The following SLC25A21 variants were observed in gnomAD, a reference collection of about 807,000 sequenced individuals.
SLC25A21 encodes mitochondrial 2-oxodicarboxylate carrier.
SLC25A21 carries 47 observed loss-of-function variants against 43.8 expected under a neutral mutation model. The observed-to-expected ratio is 1.07, with a 90% CI of 0.85 to 1.37. The LOEUF (loss-of-function observed/expected upper bound fraction) is 1.37, where lower values mean the gene tolerates loss of function less well. Among genes scored for constraint, SLC25A21 ranks in the 40% most tolerant of loss-of-function variants. The pLI, the probability that SLC25A21 is intolerant of heterozygous loss-of-function variation, is 0.00. For missense variants in SLC25A21, 352 were observed against 350.2 expected (o/e 1.00, Z -0.04); for synonymous variants, 131 against 121.3 (o/e 1.08, Z -0.52).
At position 37,099,652 on chromosome 14, in the gene SLC25A21, C is replaced by A. The variant is rs538926327; in HGVS notation, c.70+72629G>T. Among the ~76,000 whole-genome samples, 3 of 152,192 alleles carry A rather than the reference C, an allele frequency of 2.0e-5. No homozygotes were observed. The South Asian group carries it at 6.2e-4, about 32-fold the overall frequency. The stretch of plus-strand genomic sequence containing the variant: ...GTTTGTTCTAATACACGTTTACTTT[C>A]TTTTATTTATAGAATAAGAATGTTA... On this transcript the variant is annotated intron_variant, in intron 1 of 9. Transcript: ENST00000331299.
intron 1 of SLC25A21, among the ~76,000 whole-genome samples, chr14:37,062,120 C>T (rs2138813114): frequency 6.6e-6 from 1 of 152,316 alleles, no homozygotes; most frequent in Non-Finnish European, 1.5e-5. Context: ...AACCTGTAAA[C>T]AGAAGAGAAG....
chr14:36,872,980 T>C (rs1890417489), intron 2 of SLC25A21, among the ~76,000 whole-genome samples: 1 of 152,222 alleles, frequency 6.6e-6, no homozygotes, highest in Non-Finnish European at 1.5e-5. Context: ...GTTGAATGGA[T>C]GAATTAAACA....
intron 1 of SLC25A21, among the ~76,000 whole-genome samples, chr14:37,043,940 G>GTTT (rs59081965): frequency 2.3e-4 from 13 of 56,788 alleles, no homozygotes; most frequent in African/African-American, 9.0e-4. Context: ...ATGTTTTTTT[G>GTTT]TTTTTTTTTT....
intron 1 of SLC25A21, among the ~76,000 whole-genome samples, chr14:37,140,984 A>G (rs1159050723): frequency 6.6e-6 from 1 of 152,184 alleles, no homozygotes; most frequent in East Asian, 1.9e-4. Context: ...CGTCTCTACA[A>G]ATAACACAAA....
intron 3 of SLC25A21, among the ~76,000 whole-genome samples, chr14:36,757,533 A>G (rs1203325069): frequency 1.3e-4 from 20 of 152,240 alleles, no homozygotes. Flanking sequence ...GAATCATACT[A>G]AACAGATTAG....
intron 2 of SLC25A21, among the ~76,000 whole-genome samples, chr14:36,872,264 T>C (rs1223768742): frequency 2.0e-5 from 3 of 152,144 alleles, no homozygotes; most frequent in Non-Finnish European, 4.4e-5. Flanking sequence ...TGGAGTCAAG[T>C]CTTGTTTTGG....
intron 1 of SLC25A21, among the ~76,000 whole-genome samples, chr14:37,040,363 G>A (rs1276867263): frequency 4.3e-4 from 15 of 35,164 alleles, no homozygotes; most frequent in Admixed American, 1.6e-3. Flanking sequence ...GAAAGAAAGA[G>A]AGAGAGAGAG....
intron 1 of SLC25A21, among the ~76,000 whole-genome samples, chr14:37,163,699 G>A (rs998676609): frequency 1.2e-4 from 19 of 152,078 alleles, no homozygotes; most frequent in African/African-American, 4.1e-4. Context: ...GGAGGAGTGG[G>A]GAGGATGAAT....
At chr14:37,161,394 T>G (rs918396760) in intron 1 of SLC25A21, among the ~76,000 whole-genome samples, 2 of 152,036 alleles carry the variant, frequency 1.3e-5, no homozygotes, top group Non-Finnish European at 2.9e-5. Flanking sequence ...AGGTTGACCA[T>G]GAAAAGAGGA....
chr14:36,778,958 T>A (rs1176339545), intron 3 of SLC25A21, among the ~76,000 whole-genome samples: 1 of 151,974 alleles, frequency 6.6e-6, no homozygotes, highest in East Asian at 1.9e-4. Context: ...TTTGTATGCT[T>A]TGACCAGCAT....
At chr14:36,798,511 G>A (rs1887749749) in intron 3 of SLC25A21, among the ~76,000 whole-genome samples, 1 of 151,326 alleles carries the variant, frequency 6.6e-6, no homozygotes, top group Admixed American at 6.6e-5. Flanking sequence ...TGCTCATACA[G>A]TCGTTTTATT....
At chr14:37,052,776 T>C (rs1252254288) in intron 1 of SLC25A21, among the ~76,000 whole-genome samples, 3 of 152,196 alleles carry the variant, frequency 2.0e-5, no homozygotes, top group African/African-American at 7.2e-5. Flanking sequence ...GTAGCTGGAA[T>C]TACTGGCACA....
chr14:37,161,545 T>C (rs1315207418), intron 1 of SLC25A21, among the ~76,000 whole-genome samples: 1 of 152,204 alleles, frequency 6.6e-6, no homozygotes, highest in African/African-American at 2.4e-5. Flanking sequence ...AATGTGACTT[T>C]ATTTGGAAAT....
intron 3 of SLC25A21, among the ~76,000 whole-genome samples, chr14:36,783,171 G>A (rs1360398108): frequency 8.1e-6 from 1 of 124,034 alleles, no homozygotes; most frequent in Non-Finnish European, 1.6e-5. Flanking sequence ...ATGTGTGCTT[G>A]CAAGTCATCT....
At chr14:36,937,885 G>A (rs190684307) in intron 1 of SLC25A21, among the ~76,000 whole-genome samples, 1 of 152,214 alleles carries the variant, frequency 6.6e-6, no homozygotes, top group Non-Finnish European at 1.5e-5. Context: ...GTCTGTATTG[G>A]AAAGCTGAGA....
At chr14:36,736,895 T>C (rs1323140468) in intron 3 of SLC25A21, among the ~76,000 whole-genome samples, 1 of 152,150 alleles carries the variant, frequency 6.6e-6, no homozygotes, top group Non-Finnish European at 1.5e-5. Flanking sequence ...AAAGACACAT[T>C]TTTGGCCCAG....
chr14:36,741,225 TGG>T (rs1885245100), intron 3 of SLC25A21, among the ~76,000 whole-genome samples: 1 of 152,206 alleles, frequency 6.6e-6, no homozygotes. Context: ...TCAAGCAGGC[TGG>T]GAAATTTCCT....
At chr14:36,888,545 T>C (rs1185539560) in intron 1 of SLC25A21, among the ~76,000 whole-genome samples, 1 of 151,896 alleles carries the variant, frequency 6.6e-6, no homozygotes, top group Non-Finnish European at 1.5e-5. Flanking sequence ...ATATATGTTA[T>C]ATATATAAAT....
In SLC25A21 at chr14:36,683,857, A is replaced by C; in HGVS notation, c.809T>G (p.Leu270Arg). 6 of 1,607,912 alleles carry C rather than the reference A, an allele frequency of 3.7e-6. No individual in the cohort carries two copies. Among genetic ancestry groups the C allele is most frequent in the Non-Finnish European group, 5.1e-6 (6 of 1,176,720 alleles). Residue 270 changes from leucine to arginine, a missense_variant, in exon 9 of 10, where the codon CTG (leucine) becomes CGG (arginine). Physicochemically the swap from Leu to Arg is moderately radical, Grantham distance 102 (BLOSUM62 -2). Coordinates refer to ENST00000331299, the MANE Select transcript of SLC25A21 (RefSeq NM_030631.4). ...EEGILALYKGLLPKIMRLGPG... is the reference protein window; with the variant it reads ...EEGILALYKGRLPKIMRLGPG... ...TCCAAGTCTCATAATCTTGGGAAGC[A>C]GGCCTTTGTACAAAGCTAAAATCCT...
Sources: allele counts gnomAD v4.1 joint callset (sites outside exome capture counted in the v4.1 genomes callset), GRCh38; gene constraint gnomAD v4.1.1; transcripts MANE v1.5; gene names NCBI Gene and HGNC (gene_info 2026-07-23, HGNC 2026-07-21).